DOCK1: variants seen among roughly 807,000 people sequenced by gnomAD.
The protein encoded by DOCK1 is dedicator of cytokinesis 1.
Under a neutral mutation model 262.7 loss-of-function variants are expected in DOCK1, and 138 were observed. The observed-to-expected ratio is 0.53, with a 90% CI of 0.46 to 0.61. The LOEUF is 0.61. DOCK1 is among the 20% of genes least tolerant of loss of function. DOCK1 has a pLI of 0.00. For missense variants in DOCK1, 1,908 were observed against 2,370.7 expected (o/e 0.80, Z 4.05); for synonymous variants, 866 against 867.4 (o/e 1.00, Z 0.03).
intron 33 of DOCK1, among the ~76,000 whole-genome samples, 189 bp downstream of exon 33, chr10:127,362,401 T>G (rs1209997954): frequency 6.6e-6 from 1 of 152,212 alleles, no homozygotes; most frequent in Non-Finnish European, 1.5e-5. Context: ...TTGCACTCAA[T>G]TTTTGGGAGG....
rs561505784 is a variant in DOCK1 at position 127,295,495 on chromosome 10, G to A, written c.3044+38066G>A. On this transcript the variant is annotated intron_variant, in intron 29 of 51. Transcript: ENST00000623213. ...ACATGAGATTTGGAGGGGACAAAAC[G>A]TCCAAACCATATCGCCCCCTCCCTA... 1.4e-3 allele frequency among the ~76,000 whole-genome samples: 215 copies of A among 152,098 alleles called. 3 individuals are homozygous for A. The highest frequency in any genetic ancestry group is 4.6e-3 in the African/African-American group (190 of 41,450).
chr10:127,161,330 C>CAA (rs2053576875), intron 27 of DOCK1, among the ~76,000 whole-genome samples: 1 of 152,148 alleles, frequency 6.6e-6, no homozygotes, highest in African/African-American at 2.4e-5. Context: ...CAGGATCACC[C>CAA]CTTCATTAGT....
At chr10:127,167,160 A>G (rs1262430628) in intron 27 of DOCK1, among the ~76,000 whole-genome samples, 1 of 152,198 alleles carries the variant, frequency 6.6e-6, no homozygotes, top group Non-Finnish European at 1.5e-5. Context: ...AAGCTATAAA[A>G]AAGGCTTGCT....
chr10:127,427,615 C>T (rs1230838207), intron 47 of DOCK1, among the ~76,000 whole-genome samples: 2 of 152,152 alleles, frequency 1.3e-5, no homozygotes, highest in Non-Finnish European at 2.9e-5. Flanking sequence ...TGGTTCAAGC[C>T]CTATCCATGT....
At chr10:127,416,626 C>G (rs2068171536) in intron 44 of DOCK1, among the ~76,000 whole-genome samples, 1 of 152,356 alleles carries the variant, frequency 6.6e-6, no homozygotes, top group African/African-American at 2.4e-5. Context: ...CTGATGCCCT[C>G]CTCGTGCCAC....
chr10:127,186,332 T>C (rs1026090558), intron 27 of DOCK1, among the ~76,000 whole-genome samples: 1 of 152,150 alleles, frequency 6.6e-6, no homozygotes, highest in Non-Finnish European at 1.5e-5. Context: ...AGGCACCTTC[T>C]TCACAAGGCT....
At chr10:126,953,476 TG>T (rs2036494768) in intron 1 of DOCK1, among the ~76,000 whole-genome samples, 1 of 151,816 alleles carries the variant, frequency 6.6e-6, no homozygotes, top group Non-Finnish European at 1.5e-5. Context: ...GAGGTGGTAG[TG>T]GTAGCAATAT....
intron 1 of DOCK1, among the ~76,000 whole-genome samples, chr10:126,964,487 G>C (rs1409520824): frequency 6.6e-6 from 1 of 152,242 alleles, no homozygotes; most frequent in Non-Finnish European, 1.5e-5. Context: ...TGGGCCGTGT[G>C]AGGACGTGGC....
intron 22 of DOCK1, among the ~76,000 whole-genome samples, chr10:127,059,550 C>G (rs2045396216): frequency 6.6e-6 from 1 of 152,018 alleles, no homozygotes; most frequent in South Asian, 2.1e-4. Flanking sequence ...CTAATTCTGC[C>G]TCTTGCTGTG....
chr10:127,308,558 T>G (rs976579292), intron 29 of DOCK1, among the ~76,000 whole-genome samples: 2 of 152,218 alleles, frequency 1.3e-5, no homozygotes, highest in Non-Finnish European at 2.9e-5. Context: ...ATGCATTAGC[T>G]ATTTGTCCTA....
intron 31 of DOCK1, among the ~76,000 whole-genome samples, chr10:127,345,439 A>T (rs2063588615): frequency 1.3e-5 from 2 of 152,026 alleles, no homozygotes; most frequent in East Asian, 3.9e-4. Context: ...AGGGCCCACG[A>T]TTTTCACCTG....
At chr10:126,946,232 C>T (rs906693541) in intron 1 of DOCK1, among the ~76,000 whole-genome samples, 1 of 152,148 alleles carries the variant, frequency 6.6e-6, no homozygotes, top group South Asian at 2.1e-4. Flanking sequence ...CCGTCCCAGA[C>T]AGAAACTTTG....
chr10:127,225,832 A>T (rs2058614569), intron 27 of DOCK1, among the ~76,000 whole-genome samples: 1 of 152,090 alleles, frequency 6.6e-6, no homozygotes, highest in African/African-American at 2.4e-5. Flanking sequence ...TAACCCCTTC[A>T]CTTTGGGAGG....
intron 27 of DOCK1, among the ~76,000 whole-genome samples, chr10:127,202,745 C>T (rs950857719): frequency 6.6e-6 from 1 of 152,200 alleles, no homozygotes; most frequent in African/African-American, 2.4e-5. Context: ...TTGGTTCTTA[C>T]CAGATAACTG....
At chr10:126,960,772 A>G (rs1329882338) in intron 1 of DOCK1, among the ~76,000 whole-genome samples, 1 of 136,484 alleles carries the variant, frequency 7.3e-6, no homozygotes, top group Non-Finnish European at 1.5e-5. Context: ...AGACACATAT[A>G]TACGTATATA....
intron 1 of DOCK1, among the ~76,000 whole-genome samples, chr10:126,967,876 C>T (rs1261415025): frequency 2.0e-5 from 3 of 152,090 alleles, no homozygotes; most frequent in Admixed American, 1.3e-4. Context: ...TGCAGTGGTG[C>T]GATCACGGCT....
Position 127,024,764 on chromosome 10 carries a change from G to A in DOCK1, c.1532G>A (p.Arg511His), listed in dbSNP as rs776589124. The A allele has an allele frequency of 5.0e-6, 8 of 1,610,374 alleles. No individual in the cohort carries two copies. Among genetic ancestry groups the A allele is most frequent in the Non-Finnish European group, 6.8e-6 (8 of 1,178,262 alleles). Residue 511 changes from arginine to histidine, a missense_variant, in exon 15 of 52, where the codon CGC becomes CAC. Transcript: ENST00000623213. Reference protein sequence around the residue: ...SVIYYQVKQPRWFETVKVAIP... With the variant: ...SVIYYQVKQPHWFETVKVAIP... ...ATTTACTACCAAGTAAAGCAGCCAC[G>A]CTGGTTTGAGACTGTTAAGGTATTA...
At chr10:127,200,430 G>T (rs561467041) in intron 27 of DOCK1, among the ~76,000 whole-genome samples, 1 of 152,070 alleles carries the variant, frequency 6.6e-6, no homozygotes, top group Non-Finnish European at 1.5e-5. Context: ...TTTTGTTTTT[G>T]TTTTTGTTTT....
intron 29 of DOCK1, among the ~76,000 whole-genome samples, chr10:127,279,497 C>T (rs890839650): frequency 5.9e-5 from 9 of 152,164 alleles, no homozygotes; most frequent in African/African-American, 1.2e-4. Flanking sequence ...ATAAGGTAAT[C>T]GCTTGGAGAA....
Sources: allele counts gnomAD v4.1 joint callset (sites outside exome capture counted in the v4.1 genomes callset), GRCh38; gene constraint gnomAD v4.1.1; transcripts MANE v1.5; gene names NCBI Gene and HGNC (gene_info 2026-07-23, HGNC 2026-07-21).